Variants in ZNF263 observed in about 807,000 individuals in gnomAD.
ZNF263 encodes zinc finger protein 263, also known as zinc finger protein FPM315.
ZNF263 carries 49 observed loss-of-function variants against 63.1 expected under a neutral mutation model. The observed-to-expected ratio is 0.78, with a 90% CI of 0.62 to 0.99. ZNF263 has a LOEUF of 0.99. ZNF263 is among the 50% of genes least tolerant of loss of function. The pLI is 0.00. For missense variants in ZNF263, 872 were observed against 854.8 expected, an observed-to-expected ratio of 1.02 and a Z score of -0.25; for synonymous variants, 352 against 324.2, an observed-to-expected ratio of 1.09 and a Z score of -0.92.
rs753278944 is a variant in ZNF263 at position 3,285,736 on chromosome 16, G to C, written c.624G>C (p.Lys208Asn). Residue 208 changes from lysine (K) to asparagine (N), a missense_variant, in exon 3 of 6, where the codon AAG becomes AAC. By Grantham distance (94) the Lys-to-Asn change is moderately conservative (BLOSUM62 0). Coordinates refer to ENST00000219069, the MANE Select transcript of ZNF263 (RefSeq NM_005741.5). ...LFPPEGNMED[K>N]EMTGPQLPES... ...CTCCTGAAGGGAACATGGAAGACAA[G>C]GAGATGACTGGGCCCCAGGTGATGT... 1 of 1,614,122 alleles carries C rather than the reference G, an allele frequency of 6.2e-7. No homozygotes were observed. Among genetic ancestry groups the C allele is most frequent in the Non-Finnish European group, 8.5e-7 (1 of 1,180,022 alleles).
chr16:3,294,463 T>G (rs927287654), downstream of ZNF263, among the ~76,000 whole-genome samples: 1 of 152,234 alleles, frequency 6.6e-6, no homozygotes, highest in African/African-American at 2.4e-5. Flanking sequence ...CTAGATGAAT[T>G]CAAGCAAAAT....
chr16:3,283,717 GC>G lies in ZNF263; in HGVS notation c.-98del. 1 of 1,401,936 alleles carries G rather than the reference GC, an allele frequency of 7.1e-7. No homozygotes were observed. Among genetic ancestry groups the G allele is most frequent in the South Asian group, 1.7e-5 (1 of 58,926 alleles). The allele number at this position is 1,401,936 out of a possible 1,614,324, so 86.8% of individuals were successfully genotyped here. A position where few individuals can be genotyped will look rare whatever the true frequency, so the allele number is the denominator to read the frequency against. On this transcript the variant is annotated 5_prime_UTR_variant, in exon 1 of 6. Coordinates refer to ENST00000219069, the MANE Select transcript of ZNF263 (RefSeq NM_005741.5). ...CCTCGGCCTGGACTGGGAGCCCCCG[GC>G]CCCGGGCTCCTGCTGGCGCCGTCCA...
chr16:3,288,164 A>G (rs1028847822), intron 4 of ZNF263, among the ~76,000 whole-genome samples: 39 of 151,808 alleles, frequency 2.6e-4, no homozygotes, highest in African/African-American at 9.0e-4. Context: ...AGGCAGGAGA[A>G]TCGCTTGAAC....
intron 5 of ZNF263, among the ~76,000 whole-genome samples, chr16:3,289,048 G>T (rs957992214): frequency 6.6e-6 from 1 of 152,304 alleles, no homozygotes; most frequent in East Asian, 1.9e-4. Context: ...TGAGGCAAGT[G>T]AGGAACCCAG....
chr16:3,285,213 G>C lies in ZNF263; in HGVS notation c.542G>C (p.Arg181Thr), dbSNP rs765168966. 1 of 1,613,340 alleles carries C rather than the reference G, an allele frequency of 6.2e-7. No individual in the cohort carries two copies. The highest frequency in any genetic ancestry group is 1.7e-5 in the Admixed American group (1 of 60,000). ...LQELLGPSPQRDPQAVKERAL... is the reference protein window; with the variant it reads ...LQELLGPSPQTDPQAVKERAL... ...GAGCTGCTAGGCCCCAGCCCCCAAA[G>C]GGACCCCCAGGCTGTAAAGGAGAGG... The change falls in exon 2 of 6, where the codon AGG becomes ACG. Residue 181 changes from arginine to threonine, a missense_variant. By Grantham distance (71) the Arg-to-Thr change is moderately conservative. Coordinates refer to ENST00000219069, the MANE Select transcript of ZNF263 (RefSeq NM_005741.5).
intron 2 of ZNF263, chr16:3,299,288 C>T (rs913322853): frequency 6.2e-7 from 1 of 1,610,736 alleles, no homozygotes; most frequent in African/African-American, 1.3e-5. Context: ...TCTTCATCTC[C>T]ATTTAACCAC....
intron 5 of ZNF263, 101 bp downstream of exon 5, chr16:3,288,671 G>A: frequency 1.3e-6 from 1 of 776,082 alleles, no homozygotes; most frequent in Non-Finnish European, 2.1e-6. Context: ...TTGAGATGGA[G>A]TGGCACTCTT....
intron 2 of ZNF263, chr16:3,300,025 T>C (rs1365669213): frequency 9.3e-6 from 15 of 1,614,236 alleles, no homozygotes; most frequent in Non-Finnish European, 1.3e-5. Context: ...TAGGCAGATA[T>C]CTTTCCTACT....
intron 1 of ZNF263, 95 bp from the exon 2 acceptor site, chr16:3,284,963 AG>A: frequency 6.8e-7 from 1 of 1,461,000 alleles, no homozygotes; most frequent in Non-Finnish European, 9.4e-7. Context: ...GGATCGCCTG[AG>A]GTTCTCTGTT....
rs1477569287 is a variant in ZNF263 at position 3,283,532 on chromosome 16, A to G, written c.-287A>G. 3.4e-6 allele frequency: 1 copy of G among 296,210 alleles called. No homozygotes were observed. Among genetic ancestry groups the G allele is most frequent in the Non-Finnish European group, 6.0e-6 (1 of 166,854 alleles). 18.3% of individuals were successfully genotyped at this position (296,210 alleles called of 1,614,324 possible). A position where few individuals can be genotyped will look rare whatever the true frequency, so the allele number is the denominator to read the frequency against. On this transcript the variant is annotated 5_prime_UTR_variant, in exon 1 of 6. Coordinates refer to ENST00000219069, the MANE Select transcript of ZNF263 (RefSeq NM_005741.5). Reference sequence around the variant, plus strand: ...TTTCCGGCGTGGGAGCAGAGGTCTGAGTCTTGCGTGGGTCCTCTATATAGG... The same window carrying G: ...TTTCCGGCGTGGGAGCAGAGGTCTGGGTCTTGCGTGGGTCCTCTATATAGG...
At chr16:3,296,109 C>T (rs1596375954), downstream of ZNF263, among the ~76,000 whole-genome samples, 2 of 152,206 alleles carry the variant, frequency 1.3e-5, no homozygotes, top group Non-Finnish European at 2.9e-5. Context: ...CTCAAAGGCC[C>T]TCCCTATGCT....
intron 2 of ZNF263, chr16:3,299,343 A>G (rs1232577687): frequency 1.3e-6 from 2 of 1,591,490 alleles, no homozygotes; most frequent in East Asian, 4.6e-5. Context: ...CACATTTTTC[A>G]AGAATTTCTC....
Position 3,283,699 on chromosome 16 carries a change from C to T in ZNF263, c.-120C>T. On this transcript the variant is annotated 5_prime_UTR_variant, in exon 1 of 6. Transcript: ENST00000219069. The stretch of plus-strand genomic sequence containing the variant: ...CTGGGCTGGAGCGGGGCTCCTCGGC[C>T]TGGACTGGGAGCCCCCGGCCCCGGG... The T allele has an allele frequency of 7.3e-7, 1 of 1,369,820 alleles. No individual in the cohort carries two copies. Among genetic ancestry groups the T allele is most frequent in the East Asian group, 2.8e-5 (1 of 35,774 alleles). 84.9% of individuals were successfully genotyped at this position (1,369,820 alleles called of 1,614,324 possible). A position where few individuals can be genotyped will look rare whatever the true frequency, so the allele number is the denominator to read the frequency against.
intron 1 of ZNF263, among the ~76,000 whole-genome samples, chr16:3,297,178 T>C (rs1052992959): frequency 6.6e-6 from 1 of 150,672 alleles, no homozygotes; most frequent in Non-Finnish European, 1.5e-5. Context: ...GCGCCTGTAA[T>C]CCCAGCTACT....
Position 3,289,725 on chromosome 16 carries a change from A to G in ZNF263, c.1219A>G (p.Met407Val), listed in dbSNP as rs1164372687. The G allele has an allele frequency of 1.9e-6, 3 of 1,614,126 alleles. No homozygotes were observed. The highest frequency in any genetic ancestry group is 1.3e-5 in the African/African-American group (1 of 74,932). ...AATACATGCAGCTGAAAGACTGTGT[A>G]TGGGTGTGGACTGCACTGAAATCTT... is the stretch of plus-strand genomic sequence containing the variant. ...QRIHAAERLCMGVDCTEIFGG... is the reference protein window; with the variant it reads ...QRIHAAERLCVGVDCTEIFGG... The change falls in exon 6 of 6, where the codon ATG (methionine) becomes GTG (valine). Residue 407 changes from methionine (M) to valine (V), a missense_variant. By Grantham distance (21) the Met-to-Val change is conservative. Coordinates refer to ENST00000219069, the MANE Select transcript of ZNF263 (RefSeq NM_005741.5).
chr16:3,285,100 G>A lies in ZNF263; in HGVS notation c.429G>A (p.Glu143=). 6.2e-7 allele frequency: 1 copy of A among 1,614,168 alleles called. No homozygotes were observed. Among genetic ancestry groups the A allele is most frequent in the Non-Finnish European group, 8.5e-7 (1 of 1,180,038 alleles). Residue 143 remains glutamate, a synonymous_variant, in exon 2 of 6, where the codon GAG becomes GAA. Transcript: ENST00000219069. ...GGGGAACAGAAGTGCTTTTGGAGGA[G>A]CCTTTGCCTCTGGAAACAGCACGAG... ...HGRGTEVLLE[E]PLPLETARES...
chr16:3,300,034 C>G, intron 2 of ZNF263: 1 of 1,614,172 alleles, frequency 6.2e-7, no homozygotes, highest in East Asian at 2.2e-5. Context: ...ATCTTTCCTA[C>G]TTGCCTGAGA....
rs371095309 is a variant in ZNF263, at chr16:3,291,369, T to C, written c.*811T>C. 40 of 985,286 alleles carry C rather than the reference T, an allele frequency of 4.1e-5. No individual in the cohort carries two copies. The African/African-American group carries it at 4.7e-4, about 12-fold the overall frequency. 61.0% of individuals were successfully genotyped at this position (985,286 alleles called of 1,614,324 possible). A position where few individuals can be genotyped will look rare whatever the true frequency, so the allele number is the denominator to read the frequency against. The stretch of plus-strand genomic sequence containing the variant: ...CAGGAAAGAGAGATTCCCTGGAAAA[T>C]TGAAAATGTGAATCCTAGGGGGAAA... On this transcript the variant is annotated 3_prime_UTR_variant, in exon 6 of 6. Transcript: ENST00000219069.
chr16:3,300,538 C>T (rs767586883), intron 2 of ZNF263: 44 of 1,613,326 alleles, frequency 2.7e-5, no homozygotes, highest in Non-Finnish European at 3.5e-5. Flanking sequence ...TTTAAGTGAT[C>T]GTCCAGCTTC....
Sources: allele counts gnomAD v4.1 joint callset (sites outside exome capture counted in the v4.1 genomes callset), GRCh38; gene constraint gnomAD v4.1.1; transcripts MANE v1.5; gene names NCBI Gene and HGNC (gene_info 2026-07-23, HGNC 2026-07-21).